ARHGEF3: variants seen among roughly 807,000 people sequenced by gnomAD.
ARHGEF3 encodes Rho guanine nucleotide exchange factor 3, also known as 59.8 kDA protein.
ARHGEF3 carries 28 observed loss-of-function variants against 63.2 expected under a neutral mutation model. That is an observed-to-expected ratio of 0.44 (90% CI 0.33 to 0.61). The LOEUF (loss-of-function observed/expected upper bound fraction) is 0.61. ARHGEF3 is among the 20% of genes least tolerant of loss of function. The probability of loss-of-function intolerance (pLI) is 0.03; values close to 1 mark genes in which losing one functional copy is unlikely to be tolerated. For synonymous variants in ARHGEF3, 266 were observed against 254.2 expected, an observed-to-expected ratio of 1.05 and a Z score of -0.44; for missense variants, 533 against 659.3, an observed-to-expected ratio of 0.81 and a Z score of 2.10.
In ARHGEF3 at chr3:56,825,721, C is replaced by T. The variant is rs115009289; in HGVS notation, c.193-51905G>A. ...CTTTCATTGTTTGTGATGCTGGCCA[C>T]CTGGAGCCAATTATTTAAGAGCTTC... On this transcript the variant is annotated intron_variant, in intron 4 of 12. Coordinates refer to the ARHGEF3 transcript ENST00000338458. Among the ~76,000 whole-genome samples the T allele has an allele frequency of 3.8e-3, 572 of 152,254 alleles. 4 individuals are homozygous for T. The highest frequency in any genetic ancestry group is 0.013 in the African/African-American group (545 of 41,542).
At chr3:56,868,976 G>A (rs1398411784) in intron 4 of ARHGEF3, among the ~76,000 whole-genome samples, 5 of 152,114 alleles carry the variant, frequency 3.3e-5, no homozygotes, top group Non-Finnish European at 2.9e-5. Context: ...ACTAAAGAAT[G>A]AACAAATTAA....
At chr3:56,842,215 A>C (rs1269607602) in intron 4 of ARHGEF3, among the ~76,000 whole-genome samples, 1 of 152,184 alleles carries the variant, frequency 6.6e-6, no homozygotes, top group African/African-American at 2.4e-5. Flanking sequence ...ATCACCAGTC[A>C]AATGTGGGAT....
chr3:56,913,543 T>G (rs1052897796), intron 3 of ARHGEF3, among the ~76,000 whole-genome samples: 1 of 152,142 alleles, frequency 6.6e-6, no homozygotes, highest in Non-Finnish European at 1.5e-5. Flanking sequence ...CTGGAACCCT[T>G]GTGCACTGTA....
intron 7 of ARHGEF3, among the ~76,000 whole-genome samples, chr3:56,740,610 G>A (rs571531011): frequency 6.6e-6 from 1 of 152,308 alleles, no homozygotes; most frequent in East Asian, 1.9e-4. Context: ...AGAAATGAGA[G>A]GATTCCTGCC....
chr3:56,942,164 G>C (rs561487160), intron 3 of ARHGEF3, among the ~76,000 whole-genome samples: 1 of 152,328 alleles, frequency 6.6e-6, no homozygotes, highest in South Asian at 2.1e-4. Flanking sequence ...TATTGCTATT[G>C]TTTTTATTAC....
chr3:56,799,431 A>G (rs2037532790), intron 1 of ARHGEF3, among the ~76,000 whole-genome samples: 1 of 152,230 alleles, frequency 6.6e-6, no homozygotes, highest in Non-Finnish European at 1.5e-5. Flanking sequence ...CTGTTTTCCT[A>G]GAAAGGCCTC....
rs143217359 is a variant in ARHGEF3, at chr3:57,078,340, C to A, written c.-28+886G>T. 5.9e-5 allele frequency among the ~76,000 whole-genome samples: 9 copies of A among 152,330 alleles called. No individual in the cohort carries two copies. In the East Asian group the frequency reaches 1.4e-3, roughly 23 times the overall value. ...GGCAACTACCGTCTGGCAGTTCTCG[C>A]GTCCTCGCCCAGTGCGGGAAGCAAG... On this transcript the variant is annotated intron_variant, in intron 1 of 12. Coordinates refer to the ARHGEF3 transcript ENST00000338458.
chr3:57,012,135 A>G (rs1702728657), intron 2 of ARHGEF3, among the ~76,000 whole-genome samples: 1 of 152,232 alleles, frequency 6.6e-6, no homozygotes, highest in Non-Finnish European at 1.5e-5. Context: ...ACCTGCCTCA[A>G]AACCCAAGAG....
chr3:56,949,577 C>T (rs200246612), intron 3 of ARHGEF3, among the ~76,000 whole-genome samples: 17,523 of 151,600 alleles, frequency 0.12, 1,297 homozygotes, highest in East Asian at 0.25. Flanking sequence ...TTACAAGGGA[C>T]GTGAAGGACC....
At chr3:56,789,748 C>G (rs2036991283) in intron 1 of ARHGEF3, among the ~76,000 whole-genome samples, 1 of 152,192 alleles carries the variant, frequency 6.6e-6, no homozygotes, top group African/African-American at 2.4e-5. Context: ...TACTTAAAAA[C>G]TTATTGTAAA....
intron 4 of ARHGEF3, among the ~76,000 whole-genome samples, chr3:56,813,622 A>G (rs574493492): frequency 9.8e-5 from 15 of 152,330 alleles, no homozygotes; most frequent in Middle Eastern, 3.4e-3. Flanking sequence ...AAATTCAAAA[A>G]TAAATATAAA....
chr3:56,796,827 C>A (rs2037394102), intron 1 of ARHGEF3, among the ~76,000 whole-genome samples: 1 of 152,162 alleles, frequency 6.6e-6, no homozygotes, highest in Admixed American at 6.5e-5. Flanking sequence ...TGTTCTGAGC[C>A]TGTTTCTTCT....
intron 3 of ARHGEF3, among the ~76,000 whole-genome samples, chr3:56,931,575 CAAAAAAAAA>C (rs10596928): frequency 6.8e-5 from 4 of 58,912 alleles, no homozygotes; most frequent in Non-Finnish European, 1.1e-4. Context: ...GATCCTGTCT[CAAAAAAAAA>C]AAAAAAAAAA....
intron 2 of ARHGEF3, among the ~76,000 whole-genome samples, chr3:57,034,390 C>G (rs572880922): frequency 2.0e-5 from 3 of 151,986 alleles, no homozygotes; most frequent in Admixed American, 6.5e-5. Context: ...TTTGCCTCCT[C>G]TTGGGGGACT....
intron 1 of ARHGEF3, chr3:56,775,427 C>T (rs528576055): frequency 7.6e-5 from 77 of 1,013,478 alleles, no homozygotes; most frequent in African/African-American, 8.6e-5. Flanking sequence ...TGGCCAGAAA[C>T]GATTCCATGA....
intron 3 of ARHGEF3, among the ~76,000 whole-genome samples, chr3:56,942,891 C>A (rs1021832249): frequency 3.3e-5 from 5 of 152,188 alleles, no homozygotes; most frequent in African/African-American, 9.7e-5. Context: ...TAAGCCAAAG[C>A]CTAATCCAGA....
At chr3:56,843,686 A>C (rs922093265) in intron 4 of ARHGEF3, among the ~76,000 whole-genome samples, 2 of 152,118 alleles carry the variant, frequency 1.3e-5, no homozygotes, top group Non-Finnish European at 2.9e-5. Flanking sequence ...TGTATTCCAT[A>C]GTGTAGATGT....
intron 4 of ARHGEF3, among the ~76,000 whole-genome samples, chr3:56,811,814 C>T (rs940788174): frequency 5.3e-5 from 8 of 152,200 alleles, no homozygotes; most frequent in African/African-American, 1.4e-4. Flanking sequence ...TCAACTCTAG[C>T]ATTAATAAGT....
chr3:57,064,927 T>G (rs904852578), intron 1 of ARHGEF3, among the ~76,000 whole-genome samples: 3 of 152,176 alleles, frequency 2.0e-5, no homozygotes, highest in African/African-American at 7.2e-5. Context: ...ACAGTAAATT[T>G]TACGTTATGT....
Sources: gnomAD v4.1 joint callset for allele counts (sites outside exome capture counted in the v4.1 genomes callset) on GRCh38, gnomAD v4.1.1 for gene constraint, MANE v1.5 for transcripts, NCBI Gene and HGNC (gene_info 2026-07-23, HGNC 2026-07-21) for gene names.